Variants in EIF4ENIF1 observed in about 807,000 individuals in gnomAD.
The protein encoded by EIF4ENIF1 is eukaryotic translation initiation factor 4E transporter.
Under a neutral mutation model 110.5 loss-of-function variants are expected in EIF4ENIF1, and 23 were observed. The ratio of observed to expected loss-of-function variants is 0.21; its 90% CI spans 0.15 to 0.29. EIF4ENIF1 has a LOEUF of 0.29. Among genes scored for constraint, EIF4ENIF1 ranks in the 10% least tolerant of loss-of-function variants. The probability of loss-of-function intolerance (pLI) is 1.00; values close to 1 mark genes in which losing one functional copy is unlikely to be tolerated. For synonymous variants in EIF4ENIF1, 440 were observed against 437.0 expected, an observed-to-expected ratio of 1.01 and a Z score of -0.09; for missense variants, 1,031 against 1,221.1, an observed-to-expected ratio of 0.84 and a Z score of 2.32.
intron 2 of EIF4ENIF1, among the ~76,000 whole-genome samples, chr22:31,478,949 C>CA (rs377466384): frequency 0.37 from 33,192 of 89,088 alleles, 4,700 homozygotes; most frequent in East Asian, 0.5. Context: ...GAGACTGTTT[C>CA]AAAAAAAAAA....
intron 6 of EIF4ENIF1, 128 bp from the exon 7 acceptor site, chr22:31,458,778 T>C (rs2050904417): frequency 1.3e-6 from 1 of 796,700 alleles, no homozygotes; most frequent in African/African-American, 1.7e-5. Context: ...CTCGTGCAGG[T>C]ACTGTACTTG....
At chr22:31,450,209 A>G in intron 11 of EIF4ENIF1, 80 bp downstream of exon 11, 3 of 1,128,972 alleles carry the variant, frequency 2.7e-6, no homozygotes, top group Non-Finnish European at 4.0e-6. Context: ...TCTAAGGCCC[A>G]AAGTTGGACC....
At chr22:31,438,429 G>A (rs2050204801), downstream of EIF4ENIF1, among the ~76,000 whole-genome samples, 1 of 152,096 alleles carries the variant, frequency 6.6e-6, no homozygotes, top group Non-Finnish European at 1.5e-5. Flanking sequence ...GAGTCTTAAG[G>A]GAAATTCTTA....
intron 7 of EIF4ENIF1, 26 bp downstream of exon 7, chr22:31,458,449 T>A (rs79476225): frequency 1.3e-4 from 1 of 7,808 alleles, no homozygotes; most frequent in Non-Finnish European, 2.0e-4. Flanking sequence ...TAACCACACA[T>A]TTTTTAAGTG....
intron 7 of EIF4ENIF1, 37 bp downstream of exon 7, chr22:31,458,438 T>C (rs1188344920): frequency 7.4e-7 from 1 of 1,353,446 alleles, no homozygotes; most frequent in South Asian, 1.6e-5. Context: ...CAGGTCAAAT[T>C]TAACCACACA....
At chr22:31,458,114 A>G (rs543433423) in intron 7 of EIF4ENIF1, among the ~76,000 whole-genome samples, 17 of 152,000 alleles carry the variant, frequency 1.1e-4, no homozygotes, top group Non-Finnish European at 2.2e-4. Flanking sequence ...TGTGATCCCA[A>G]CTACTCAGGA....
intron 2 of EIF4ENIF1, 36 bp downstream of exon 2, chr22:31,488,587 A>G (rs530624344): frequency 6.2e-7 from 1 of 1,613,862 alleles, no homozygotes; most frequent in Admixed American, 1.7e-5. Flanking sequence ...TTCGCCACCT[A>G]AAAAGAAACA....
intron 7 of EIF4ENIF1, among the ~76,000 whole-genome samples, chr22:31,457,446 A>AAT (rs2050864934): frequency 6.6e-6 from 1 of 152,212 alleles, no homozygotes; most frequent in Non-Finnish European, 1.5e-5. Context: ...GATAGAGCAA[A>AAT]CATCTATCCA....
chr22:31,453,482 C>A, intron 10 of EIF4ENIF1: 1 of 242,636 alleles, frequency 4.1e-6, no homozygotes, highest in Non-Finnish European at 8.4e-6. Context: ...TCAAGCAGTT[C>A]TCTTGTCTTG....
chr22:31,442,006 C>T lies in EIF4ENIF1; in HGVS notation c.2319G>A (p.Gln773=), dbSNP rs779375827. The T allele has an allele frequency of 6.2e-7, 1 of 1,614,106 alleles. No homozygotes were observed. The highest frequency in any genetic ancestry group is 2.2e-5 in the East Asian group (1 of 44,880). The stretch of plus-strand genomic sequence containing the variant: ...CTTGTTCTTTGGTGTAACGGTTGGC[C>T]TGGGACAGTGGGGTGGAACACGAAG... ...QRSSCSTPLS[Q]ANRYTKEQDY... Residue 773 remains glutamine, a synonymous_variant, in exon 17 of 19, where the codon CAG becomes CAA. Coordinates refer to ENST00000330125, the MANE Select transcript of EIF4ENIF1 (RefSeq NM_019843.4).
In EIF4ENIF1 at chr22:31,442,943, C is replaced by G. The variant is rs778158787; in HGVS notation, c.2206+19G>C. 4 of 1,613,314 alleles carry G rather than the reference C, an allele frequency of 2.5e-6. No individual in the cohort carries two copies. In the East Asian group the frequency reaches 8.9e-5, roughly 36 times the overall value. Reference sequence around the variant, plus strand: ...ATCACATACTTTCTTGAGCAGTGCCCTTAACAGCTCTGCAGTACCTTCACT... The same window carrying G: ...ATCACATACTTTCTTGAGCAGTGCCGTTAACAGCTCTGCAGTACCTTCACT... On this transcript the variant is annotated intron_variant, in intron 16 of 18. Transcript: ENST00000330125.
chr22:31,468,004 G>A (rs1275279953), intron 4 of EIF4ENIF1, among the ~76,000 whole-genome samples, 171 bp downstream of exon 4: 3 of 152,138 alleles, frequency 2.0e-5, no homozygotes, highest in African/African-American at 4.8e-5. Flanking sequence ...CTGTGACAAA[G>A]TAGACTATGA....
chr22:31,481,996 C>T (rs978068156), intron 2 of EIF4ENIF1, among the ~76,000 whole-genome samples: 2 of 151,822 alleles, frequency 1.3e-5, no homozygotes, highest in Admixed American at 1.3e-4. Flanking sequence ...ATAATGAGAT[C>T]CTATCTCTAC....
rs190599062 is a variant in EIF4ENIF1, at chr22:31,477,466, C to G, written c.97-5549G>C. 1.3e-4 allele frequency among the ~76,000 whole-genome samples: 19 copies of G among 151,474 alleles called. No individual in the cohort carries two copies. In the East Asian group the frequency reaches 3.5e-3, roughly 28 times the overall value. ...AATCTTTCCTCTTAGAGTTATTGCT[C>G]TAATCACAGAGTGATAAACACCAAC... On this transcript the variant is annotated intron_variant, in intron 2 of 18. Coordinates refer to ENST00000330125, the MANE Select transcript of EIF4ENIF1 (RefSeq NM_019843.4).
At chr22:31,476,549 T>C (rs999299338) in intron 2 of EIF4ENIF1, among the ~76,000 whole-genome samples, 1 of 152,058 alleles carries the variant, frequency 6.6e-6, no homozygotes, top group Non-Finnish European at 1.5e-5. Flanking sequence ...CTAAACATAA[T>C]ATGGTATCCT....
intron 2 of EIF4ENIF1, among the ~76,000 whole-genome samples, chr22:31,487,217 G>T (rs1199283587): frequency 6.6e-6 from 1 of 152,102 alleles, no homozygotes; most frequent in African/African-American, 2.4e-5. Flanking sequence ...AAATATATTT[G>T]GGAAGACCAA....
intron 18 of EIF4ENIF1, among the ~76,000 whole-genome samples, 185 bp downstream of exon 18, chr22:31,440,519 G>C (rs528501088): frequency 1.3e-5 from 2 of 152,218 alleles, no homozygotes; most frequent in Admixed American, 6.5e-5. Context: ...GACTTTGCAG[G>C]AACAGTAATC....
intron 14 of EIF4ENIF1, among the ~76,000 whole-genome samples, chr22:31,446,637 TTAAG>T (rs2050489514): frequency 1.3e-5 from 2 of 152,148 alleles, no homozygotes; most frequent in Non-Finnish European, 2.9e-5. Context: ...TTATTTTTAA[TTAAG>T]GTAGTGATTA....
chr22:31,445,687 C>T (rs541232726), intron 14 of EIF4ENIF1, among the ~76,000 whole-genome samples: 1 of 152,132 alleles, frequency 6.6e-6, no homozygotes, highest in Non-Finnish European at 1.5e-5. Context: ...ATTCTTGGGG[C>T]TGCAGGATGG....
Sources: gnomAD v4.1 joint callset for allele counts (sites outside exome capture counted in the v4.1 genomes callset) on GRCh38, gnomAD v4.1.1 for gene constraint, MANE v1.5 for transcripts, NCBI Gene and HGNC (gene_info 2026-07-23, HGNC 2026-07-21) for gene names.